EFHC2: variants seen among roughly 807,000 people sequenced by gnomAD.
EFHC2 encodes the protein EF-hand domain containing 2, also known as EF-hand domain-containing family member C2.
Under a neutral mutation model 52.7 loss-of-function variants are expected in EFHC2, and 18 were observed. The observed-to-expected ratio is 0.34, with a 90% CI of 0.24 to 0.51. EFHC2 has a LOEUF of 0.51. Among genes scored for constraint, EFHC2 ranks in the 20% least tolerant of loss-of-function variants. EFHC2 has a pLI of 0.97. For synonymous variants in EFHC2, 203 were observed against 204.1 expected (o/e 0.99, Z 0.04); for missense variants, 513 against 562.5 (o/e 0.91, Z 0.89).
At chrX:44,195,639 C>T (rs1489626296) in intron 11 of EFHC2, among the ~76,000 whole-genome samples, 1 of 111,418 alleles carries the variant, frequency 9.0e-6, no homozygotes, top group African/African-American at 3.3e-5. Context: ...TGGGCTATGG[C>T]ACATGATGCC....
chrX:44,297,215 C>G (rs1444564858), intron 2 of EFHC2, among the ~76,000 whole-genome samples: 1 of 111,447 alleles, frequency 9.0e-6, no homozygotes, highest in East Asian at 2.8e-4. Context: ...ATGGTAAATC[C>G]AGGTTCTAAA....
chrX:44,214,113 T>C (rs1466041841), intron 11 of EFHC2, among the ~76,000 whole-genome samples: 2 of 110,689 alleles, frequency 1.8e-5, no homozygotes, highest in African/African-American at 6.6e-5. Context: ...GTGTAACAAA[T>C]AGGTAATGGG....
chrX:44,298,679 G>A (rs771856659), intron 2 of EFHC2, among the ~76,000 whole-genome samples: 5 of 109,678 alleles, frequency 4.6e-5, no homozygotes, highest in African/African-American at 1.7e-4. Flanking sequence ...TGGCCAACAT[G>A]GTGAAACCCC....
chrX:44,163,894 T>C (rs2036676134), intron 14 of EFHC2, 28 bp downstream of exon 14: 1 of 985,025 alleles, frequency 1.0e-6, no homozygotes, highest in East Asian at 3.4e-5. Context: ...TAACCATAGA[T>C]GGTTTTTAAA....
At chrX:44,232,289 A>G (rs969226866) in intron 10 of EFHC2, among the ~76,000 whole-genome samples, 192 bp downstream of exon 10, 1 of 112,400 alleles carries the variant, frequency 8.9e-6, no homozygotes, top group Non-Finnish European at 1.9e-5. Flanking sequence ...GCATGTAAAC[A>G]GAGTAGACAA....
At chrX:44,239,120 A>T (rs1253886956) in intron 8 of EFHC2, among the ~76,000 whole-genome samples, 1 of 111,778 alleles carries the variant, frequency 8.9e-6, no homozygotes, top group Non-Finnish European at 1.9e-5. Flanking sequence ...ATTTTTATTA[A>T]TGGGGAAACA....
rs1261351959 is a variant in EFHC2 at position 44,163,902 on chromosome X, A to T, written c.2148+20T>A. ...AGGGAAGTAACCATAGATGGTTTTT[A>T]AAATAGGTATTCATTTTACCTCTTT... On this transcript the variant is annotated intron_variant, in intron 14 of 14. Transcript: ENST00000420999. 2 of 1,057,561 alleles carry T rather than the reference A, an allele frequency of 1.9e-6. No homozygotes were observed. The highest frequency in any genetic ancestry group is 2.6e-5 in the Admixed American group (1 of 38,595). 87.2% of individuals were successfully genotyped at this position (1,057,561 alleles called of 1,213,427 possible). A position where few individuals can be genotyped will look rare whatever the true frequency, so the allele number is the denominator to read the frequency against.
At chrX:44,229,250 T>A (rs2037256556) in intron 11 of EFHC2, among the ~76,000 whole-genome samples, 2 of 112,343 alleles carry the variant, frequency 1.8e-5, no homozygotes, top group Admixed American at 1.9e-4. Flanking sequence ...TTTACTATTT[T>A]CCAACTTCAT....
At chrX:44,254,614 G>A (rs765572152) in intron 4 of EFHC2, among the ~76,000 whole-genome samples, 74 of 111,817 alleles carry the variant, frequency 6.6e-4, no homozygotes, top group Admixed American at 1.9e-3. Context: ...CAAGAAATAC[G>A]GGACTATGTG....
chrX:44,309,211 A>C, intron 2 of EFHC2: 1 of 411,130 alleles, frequency 2.4e-6, no homozygotes, highest in South Asian at 3.2e-5. Context: ...CTGTTAATGA[A>C]CATTATGGAC....
At chrX:44,256,883 G>A (rs1182038322) in intron 4 of EFHC2, among the ~76,000 whole-genome samples, 5 of 111,259 alleles carry the variant, frequency 4.5e-5, no homozygotes, top group African/African-American at 1.6e-4. Flanking sequence ...GATGAAGATT[G>A]ATGCGAAAAT....
intron 1 of EFHC2, among the ~76,000 whole-genome samples, chrX:44,314,704 T>A (rs1049597041): frequency 4.5e-5 from 5 of 111,437 alleles, no homozygotes; most frequent in Non-Finnish European, 7.5e-5. Flanking sequence ...AAAGCAAAAG[T>A]TGGGTTTCAG....
Position 44,164,047 on chromosome X carries a change from A to G in EFHC2, c.2043-20T>C. 1.9e-5 allele frequency: 19 copies of G among 993,407 alleles called. No individual in the cohort carries two copies. The highest frequency in any genetic ancestry group is 2.5e-5 in the Non-Finnish European group (19 of 748,728). 81.9% of individuals were successfully genotyped at this position (993,407 alleles called of 1,213,427 possible). A position where few individuals can be genotyped will look rare whatever the true frequency, so the allele number is the denominator to read the frequency against. On this transcript the variant is annotated intron_variant, in intron 13 of 14. Transcript: ENST00000420999. ...TCAAACCTGAAAATATAATTATAAT[A>G]TATAATTTGACTCAATCTGCAGAAT...
At chrX:44,154,105 C>T (rs942671716) in intron 14 of EFHC2, among the ~76,000 whole-genome samples, 2 of 112,485 alleles carry the variant, frequency 1.8e-5, no homozygotes, top group African/African-American at 3.2e-5. Flanking sequence ...TAACTGTCTA[C>T]GTGCAGCAGG....
intron 6 of EFHC2, 108 bp downstream of exon 6, chrX:44,248,695 A>C (rs1179693358): frequency 6.4e-6 from 4 of 624,330 alleles, no homozygotes; most frequent in Admixed American, 5.9e-5. Flanking sequence ...TTATGTATTC[A>C]TCGATTTCAT....
At chrX:44,234,929 A>G (rs975287431) in intron 9 of EFHC2, among the ~76,000 whole-genome samples, 6 of 111,704 alleles carry the variant, frequency 5.4e-5, no homozygotes, top group Non-Finnish European at 3.8e-5. Flanking sequence ...AAGTAGGACT[A>G]CCAAGAATAC....
At chrX:44,295,159 C>T (rs2037818519) in intron 2 of EFHC2, among the ~76,000 whole-genome samples, 1 of 111,639 alleles carries the variant, frequency 9.0e-6, no homozygotes, top group South Asian at 3.8e-4. Flanking sequence ...TGAACTGCCA[C>T]AAAATCTCCA....
At chrX:44,299,783 C>A (rs1055640418) in intron 2 of EFHC2, among the ~76,000 whole-genome samples, 15 of 111,615 alleles carry the variant, frequency 1.3e-4, no homozygotes, top group African/African-American at 4.9e-4. Flanking sequence ...TGATTTCCTG[C>A]ATTTTTGTTC....
intron 1 of EFHC2, among the ~76,000 whole-genome samples, chrX:44,332,933 C>T (rs914849433): frequency 8.9e-6 from 1 of 112,063 alleles, no homozygotes; most frequent in Non-Finnish European, 1.9e-5. Flanking sequence ...TTCACTATTG[C>T]TAAAACAAGA....
Sources: allele counts gnomAD v4.1 joint callset (sites outside exome capture counted in the v4.1 genomes callset), GRCh38; gene constraint gnomAD v4.1.1; transcripts MANE v1.5; gene names NCBI Gene and HGNC (gene_info 2026-07-23, HGNC 2026-07-21).